The following SCUBE1 variants were observed in gnomAD, a reference collection of about 807,000 sequenced individuals.
SCUBE1 encodes the protein signal peptide, CUB and EGF-like domain-containing protein 1.
In SCUBE1, 59 loss-of-function variants were observed where a neutral mutation model predicts 124.4. The ratio of observed to expected loss-of-function variants is 0.47; its 90% CI spans 0.38 to 0.59. The LOEUF (loss-of-function observed/expected upper bound fraction) is 0.59. SCUBE1 is among the 20% of genes least tolerant of loss of function. The pLI, the probability that SCUBE1 is intolerant of heterozygous loss-of-function variation, is 0.00. For missense variants in SCUBE1, 1,150 were observed against 1,371.2 expected (o/e 0.84, Z 2.55); for synonymous variants, 545 against 550.9 (o/e 0.99, Z 0.15).
chr22:43,262,662 A>G (rs980514556), intron 5 of SCUBE1, 58 bp downstream of exon 5: 20 of 1,598,308 alleles, frequency 1.3e-5, no homozygotes, highest in African/African-American at 5.4e-5. Context: ...CAGACCCTCC[A>G]GAAAGTAATG....
rs1408704411 is a variant in SCUBE1, at chr22:43,255,779, G to A, written c.727+2440C>T. On this transcript the variant is annotated intron_variant, in intron 6 of 21. Coordinates refer to ENST00000360835, the MANE Select transcript of SCUBE1 (RefSeq NM_173050.5). This position sits in a 1 kb window ranked among gnomAD's most constrained non-coding sequence, Gnocchi z 4.7. Reference sequence around the variant, plus strand: ...GGCAAAGCAGAGAGGCAGCGAGGGCGGGGGCGGGGGGACGTGCAGGAAAGG... The same window carrying A: ...GGCAAAGCAGAGAGGCAGCGAGGGCAGGGGCGGGGGGACGTGCAGGAAAGG... Among the ~76,000 whole-genome samples, 3 of 152,186 alleles carry A rather than the reference G, an allele frequency of 2.0e-5. No individual in the cohort carries two copies. The highest frequency in any genetic ancestry group is 1.9e-4 in the East Asian group (1 of 5,186).
intron 16 of SCUBE1, chr22:43,213,027 C>T: frequency 4.7e-6 from 1 of 212,764 alleles, no homozygotes; most frequent in Non-Finnish European, 9.4e-6. Context: ...CAGGGCCAGG[C>T]CAGAGCAGAG....
chr22:43,270,417 A>C (rs904666051), intron 4 of SCUBE1: 1 of 152,286 alleles, frequency 6.6e-6, no homozygotes, highest in Non-Finnish European at 1.5e-5. Context: ...GACTGAGGTA[A>C]GGTGAGGGGG....
intron 16 of SCUBE1, among the ~76,000 whole-genome samples, chr22:43,212,907 G>A (rs1921631758): frequency 1.3e-5 from 2 of 152,188 alleles, no homozygotes; most frequent in African/African-American, 4.8e-5. Context: ...CACAGGTGGA[G>A]GGGCAGGTCA....
At chr22:43,205,196 C>A (rs1921172487) in intron 21 of SCUBE1, among the ~76,000 whole-genome samples, 1 of 152,150 alleles carries the variant, frequency 6.6e-6, no homozygotes, top group Admixed American at 6.5e-5. Flanking sequence ...ATGATCTGCA[C>A]TGGCGTGAGC....
chr22:43,231,602 G>T, intron 8 of SCUBE1, 151 bp downstream of exon 8: 1 of 877,130 alleles, frequency 1.1e-6, no homozygotes, highest in African/African-American at 1.7e-5. Context: ...GATTGGACTG[G>T]ATGTCCCCTA....
intron 6 of SCUBE1, among the ~76,000 whole-genome samples, chr22:43,245,281 G>C (rs916259): frequency 0.083 from 12,583 of 152,244 alleles, 569 homozygotes; most frequent in Non-Finnish European, 0.11. Context: ...GAGGGAACTT[G>C]ACACCCTCAG....
At chr22:43,312,683 C>T (rs563208742) in intron 3 of SCUBE1, among the ~76,000 whole-genome samples, 14 of 152,278 alleles carry the variant, frequency 9.2e-5, no homozygotes, top group Admixed American at 2.6e-4. Flanking sequence ...GGAGGCTGAA[C>T]GAGCTATGGG....
rs113041448 is a variant in SCUBE1, at chr22:43,253,383, G to A, written c.727+4836C>T. Among the ~76,000 whole-genome samples the A allele has an allele frequency of 3.3e-3, 503 of 152,270 alleles. 2 individuals carry two copies. The highest frequency in any genetic ancestry group is 0.011 in the African/African-American group (448 of 41,540). On this transcript the variant is annotated intron_variant, in intron 6 of 21. Coordinates refer to ENST00000360835, the MANE Select transcript of SCUBE1 (RefSeq NM_173050.5). ...CCCGGGTCTGGTTCCTAGTTCAGGG[G>A]GTGAGGCCTTGGCTATTGGCTCTCC...
chr22:43,314,307 G>A (rs1926267376), intron 3 of SCUBE1, among the ~76,000 whole-genome samples: 3 of 152,180 alleles, frequency 2.0e-5, no homozygotes, highest in Admixed American at 1.3e-4. Context: ...GTAATAGGGA[G>A]TGGTGGAGAC....
chr22:43,315,161 A>C (rs1331991236), intron 3 of SCUBE1, among the ~76,000 whole-genome samples: 1 of 152,124 alleles, frequency 6.6e-6, no homozygotes, highest in African/African-American at 2.4e-5. Context: ...CCTTTGCTGG[A>C]AAGTGATGAC....
intron 21 of SCUBE1, among the ~76,000 whole-genome samples, chr22:43,206,267 TACAC>T (rs1167736394): frequency 7.6e-6 from 1 of 131,916 alleles, no homozygotes; most frequent in African/African-American, 2.9e-5. Context: ...TACCCCTACA[TACAC>T]ACTATACACA....
At chr22:43,334,055 G>T (rs547745251) in intron 2 of SCUBE1, among the ~76,000 whole-genome samples, 2 of 152,244 alleles carry the variant, frequency 1.3e-5, no homozygotes, top group African/African-American at 4.8e-5. Flanking sequence ...CAGGACAGGG[G>T]GCTCACTGCC....
intron 20 of SCUBE1, 127 bp downstream of exon 20, chr22:43,207,945 G>A (rs1352533547): frequency 1.3e-5 from 14 of 1,099,720 alleles, no homozygotes; most frequent in African/African-American, 3.1e-5. Context: ...GACAGTGTTC[G>A]TTCTGCTTCC....
At position 43,206,568 on chromosome 22, in the gene SCUBE1, G is replaced by A. The variant is rs1202861519; in HGVS notation, c.2814+966C>T. 2.0e-5 allele frequency among the ~76,000 whole-genome samples: 3 copies of A among 152,192 alleles called. 1 individual carries two copies. Among genetic ancestry groups the A allele is most frequent in the African/African-American group, 7.2e-5 (3 of 41,452 alleles). ...TAAGGGGCTGCAAAGGGTGTGCCCAGGTCAGGGGGTCCGGGCAGGCCGCCC... is the reference window on the plus strand; with the variant it reads ...TAAGGGGCTGCAAAGGGTGTGCCCAAGTCAGGGGGTCCGGGCAGGCCGCCC... On this transcript the variant is annotated intron_variant, in intron 21 of 21. Coordinates refer to ENST00000360835, the MANE Select transcript of SCUBE1 (RefSeq NM_173050.5).
rs751815634 is a variant in SCUBE1, at chr22:43,198,522, C to T, written c.*5475G>A. 3.5e-5 allele frequency: 16 copies of T among 456,348 alleles called. No individual in the cohort carries two copies. The highest frequency in any genetic ancestry group is 1.0e-4 in the African/African-American group (5 of 50,086). 28.3% of individuals were successfully genotyped at this position (456,348 alleles called of 1,614,324 possible). On this transcript the variant is annotated 3_prime_UTR_variant, in exon 22 of 22. Coordinates refer to ENST00000360835, the MANE Select transcript of SCUBE1 (RefSeq NM_173050.5). The stretch of plus-strand genomic sequence containing the variant: ...GGTGCTGTGGGGGCAGAGGCAGCCG[C>T]GGTAGAATAGGAGGCGCTCTCTGCT...
chr22:43,223,028 C>T, intron 11 of SCUBE1, 69 bp downstream of exon 11: 1 of 1,488,898 alleles, frequency 6.7e-7, no homozygotes, highest in South Asian at 1.4e-5. Flanking sequence ...CAGCTGGGAG[C>T]AATGGTGGGA....
chr22:43,267,220 C>T (rs1924106183), intron 4 of SCUBE1, among the ~76,000 whole-genome samples: 1 of 151,994 alleles, frequency 6.6e-6, no homozygotes, highest in South Asian at 2.1e-4. Context: ...TTCAGTATCA[C>T]GAGTACCCAG....
In SCUBE1 at chr22:43,227,404, G is replaced by T. The variant is rs368339927; in HGVS notation, c.1177C>A (p.Arg393=). The change falls in exon 10 of 22, where the codon CGG becomes AGG. Residue 393 remains arginine (R), a synonymous_variant. Transcript: ENST00000360835. The part of the protein sequence containing the change: ...SYECVCPPGR[R]LHWNGKDCVE... ...CAATCCTTCCCGTTCCAGTGGAGCCGCCTCCCCGGGGGACAGACGCACTCG... is the reference window on the plus strand; with the variant it reads ...CAATCCTTCCCGTTCCAGTGGAGCCTCCTCCCCGGGGGACAGACGCACTCG... 6.2e-7 allele frequency: 1 copy of T among 1,611,948 alleles called. No homozygotes were observed. The highest frequency in any genetic ancestry group is 8.5e-7 in the Non-Finnish European group (1 of 1,179,682).
Sources: gnomAD v4.1 joint callset for allele counts (sites outside exome capture counted in the v4.1 genomes callset) on GRCh38, gnomAD v4.1.1 for gene constraint, Gnocchi (gnomAD v3.1) non-coding constraint, MANE v1.5 for transcripts, NCBI Gene and HGNC (gene_info 2026-07-23, HGNC 2026-07-21) for gene names.